GALNT13: variants seen among roughly 807,000 people sequenced by gnomAD.
GALNT13 encodes the protein UDP-GalNAc:polypeptide N-acetylgalactosaminyltransferase 13.
A neutral mutation model predicts 64.2 loss-of-function variants in GALNT13; 28 were observed. That is an observed-to-expected ratio of 0.44 (90% CI 0.32 to 0.60). GALNT13 has a LOEUF of 0.60. Among genes scored for constraint, GALNT13 ranks in the 20% least tolerant of loss-of-function variants. The pLI, the probability that GALNT13 is intolerant of heterozygous loss-of-function variation, is 0.05. For synonymous variants in GALNT13, 214 were observed against 224.6 expected (o/e 0.95, Z 0.42); for missense variants, 577 against 669.8 (o/e 0.86, Z 1.53).
At chr2:153,239,739 G>A in the GALNT13 span, among the ~76,000 whole-genome samples, 2 of 151,950 alleles carry the variant, frequency 1.3e-5, no homozygotes, top group African/African-American at 4.8e-5. Flanking sequence ...AGTATTATGA[G>A]GATTTTTGCA....
chr2:154,039,218 A>G (rs1229492692), intron 3 of GALNT13, among the ~76,000 whole-genome samples: 1 of 152,058 alleles, frequency 6.6e-6, no homozygotes, highest in Non-Finnish European at 1.5e-5. Context: ...CAAAAAAACT[A>G]AAAATAGAAC....
chr2:153,488,270 T>C, the GALNT13 span, among the ~76,000 whole-genome samples: 6 of 152,196 alleles, frequency 3.9e-5, no homozygotes, highest in Non-Finnish European at 7.3e-5. Flanking sequence ...CTCAGTTCTT[T>C]CTCTGTGAAG....
At chr2:153,129,610 T>C in the GALNT13 span, among the ~76,000 whole-genome samples, 3 of 152,064 alleles carry the variant, frequency 2.0e-5, no homozygotes, top group Non-Finnish European at 4.4e-5. Context: ...CTGTCTGTAC[T>C]AAAAATACAA....
chr2:153,854,614 A>G, the GALNT13 span, among the ~76,000 whole-genome samples: 1 of 152,102 alleles, frequency 6.6e-6, no homozygotes, highest in African/African-American at 2.4e-5. Context: ...AGAATGTAAC[A>G]AAAAATATAA....
the GALNT13 span, among the ~76,000 whole-genome samples, chr2:153,524,690 C>T: frequency 1.3e-5 from 2 of 152,282 alleles, no homozygotes; most frequent in South Asian, 4.1e-4. Context: ...ATGGAAGGAG[C>T]ATTTAAACTA....
At chr2:154,304,213 A>T (rs1481158648) in intron 9 of GALNT13, among the ~76,000 whole-genome samples, 1 of 152,198 alleles carries the variant, frequency 6.6e-6, no homozygotes, top group Non-Finnish European at 1.5e-5. Context: ...AGCCTCTTCT[A>T]TGTTAAAAAG....
chr2:154,331,259 T>TA (rs951272467), intron 9 of GALNT13, among the ~76,000 whole-genome samples: 10 of 152,042 alleles, frequency 6.6e-5, no homozygotes, highest in Non-Finnish European at 1.2e-4. Flanking sequence ...TAATCTCCAC[T>TA]AAAAAAAATC....
At chr2:154,393,267 A>T (rs988208850) in intron 9 of GALNT13, among the ~76,000 whole-genome samples, 1 of 152,178 alleles carries the variant, frequency 6.6e-6, no homozygotes, top group East Asian at 1.9e-4. Flanking sequence ...AGCACAAGAA[A>T]AGTCTCTCCA....
chr2:154,025,598 T>A (rs1044360956), intron 3 of GALNT13, among the ~76,000 whole-genome samples: 6 of 152,220 alleles, frequency 3.9e-5, no homozygotes, highest in African/African-American at 1.4e-4. Context: ...TTTATAATCA[T>A]TCTGGATTTT....
chr2:153,771,296 G>A, the GALNT13 span, among the ~76,000 whole-genome samples: 3 of 152,150 alleles, frequency 2.0e-5, no homozygotes, highest in Admixed American at 2.0e-4. Flanking sequence ...TCTTTGTATA[G>A]GAAGGTCAGG....
At chr2:154,417,282 C>CAA (rs35825821) in intron 11 of GALNT13, among the ~76,000 whole-genome samples, 5,366 of 74,952 alleles carry the variant, frequency 0.072, 154 homozygotes, top group Middle Eastern at 0.12. Flanking sequence ...AAACAAGCAC[C>CAA]AAAAAAAAAA....
At chr2:153,938,417 G>T (rs1169718699) in intron 2 of GALNT13, among the ~76,000 whole-genome samples, 1 of 152,184 alleles carries the variant, frequency 6.6e-6, no homozygotes, top group Non-Finnish European at 1.5e-5. Flanking sequence ...GAAAGATGGA[G>T]ATTGATTTGG....
At chr2:154,245,574 C>T (rs1341139015) in intron 6 of GALNT13, among the ~76,000 whole-genome samples, 1 of 151,930 alleles carries the variant, frequency 6.6e-6, no homozygotes, top group Non-Finnish European at 1.5e-5. Context: ...TAAGTTAGTA[C>T]TTAGAATGCA....
chr2:154,394,923 G>T (rs977807251), intron 9 of GALNT13, among the ~76,000 whole-genome samples: 1 of 152,196 alleles, frequency 6.6e-6, no homozygotes, highest in Non-Finnish European at 1.5e-5. Flanking sequence ...GAAGGTCGGA[G>T]CTAGTGAATG....
the GALNT13 span, among the ~76,000 whole-genome samples, chr2:153,409,171 C>G: frequency 6.6e-6 from 1 of 151,938 alleles, no homozygotes; most frequent in African/African-American, 2.4e-5. Flanking sequence ...GGGACTCGGA[C>G]TGAACCACTG....
At chr2:153,576,854 CTT>C in the GALNT13 span, among the ~76,000 whole-genome samples, 1 of 151,604 alleles carries the variant, frequency 6.6e-6, no homozygotes, top group Non-Finnish European at 1.5e-5. Context: ...TCGATGGTCT[CTT>C]TTGATAAACA....
chr2:154,335,714 AATT>A (rs1444413241), intron 9 of GALNT13, among the ~76,000 whole-genome samples: 1 of 152,036 alleles, frequency 6.6e-6, no homozygotes, highest in Non-Finnish European at 1.5e-5. Flanking sequence ...GATTAATCAA[AATT>A]ATTTATCCAA....
chr2:154,401,703 G>C (rs775015425), intron 10 of GALNT13, among the ~76,000 whole-genome samples: 9 of 152,174 alleles, frequency 5.9e-5, no homozygotes, highest in Middle Eastern at 3.4e-3. Flanking sequence ...TGCCAGTTTG[G>C]CATTTATTCA....
intron 3 of GALNT13, among the ~76,000 whole-genome samples, chr2:154,020,973 C>T (rs1046169104): frequency 1.9e-4 from 29 of 152,128 alleles, no homozygotes; most frequent in Non-Finnish European, 3.8e-4. Flanking sequence ...TTCCCCATTG[C>T]TTGTTTTTGT....
Sources: allele counts gnomAD v4.1 joint callset (sites outside exome capture counted in the v4.1 genomes callset), GRCh38; gene constraint gnomAD v4.1.1; transcripts MANE v1.5; gene names NCBI Gene and HGNC (gene_info 2026-07-23, HGNC 2026-07-21).